Variants in PNMA6E observed in about 807,000 individuals in gnomAD.
PNMA6E encodes the protein PNMA family member 6E.
For missense variants in PNMA6E, 78 were observed against 50.8 expected, an observed-to-expected ratio of 1.53 and a Z score of -1.63; for synonymous variants, 43 against 17.1, an observed-to-expected ratio of 2.52 and a Z score of -3.74.
Position 153,396,681 on chromosome X carries a change from G to A in PNMA6E, c.*225C>T. The stretch of plus-strand genomic sequence containing the variant: ...AGGGTTTGGGGCTGGGGCTGGGTGT[G>A]CTGGGTGCAAGGGAGCGGGGGGGCG... On this transcript the variant is annotated 3_prime_UTR_variant, in exon 2 of 2. Coordinates refer to ENST00000445091, the MANE Select transcript of PNMA6E (RefSeq NM_001367770.1). The A allele has an allele frequency of 4.0e-6, 1 of 252,668 alleles. No individual in the cohort carries two copies. The highest frequency in any genetic ancestry group is 6.6e-5 in the Admixed American group (1 of 15,064). The allele number at this position is 252,668 out of a possible 1,213,427, so 20.8% of individuals were successfully genotyped here.
rs1262318260 is a variant in PNMA6E, at chrX:153,396,001, G to C, written c.*905C>G. On this transcript the variant is annotated 3_prime_UTR_variant, in exon 2 of 2. Coordinates refer to ENST00000445091, the MANE Select transcript of PNMA6E (RefSeq NM_001367770.1). ...CCAGGCTGAAGAAACTGAGTCACAAGTAACAACAGGGGTGAAACGCCAAAG... is the reference window on the plus strand; with the variant it reads ...CCAGGCTGAAGAAACTGAGTCACAACTAACAACAGGGGTGAAACGCCAAAG... 2.6e-5 allele frequency: 3 copies of C among 113,794 alleles called. No individual in the cohort carries two copies. Among genetic ancestry groups the C allele is most frequent in the African/African-American group, 9.7e-5 (3 of 30,977 alleles). 9.4% of individuals were successfully genotyped at this position (113,794 alleles called of 1,213,427 possible). A position where few individuals can be genotyped will look rare whatever the true frequency, so the allele number is the denominator to read the frequency against.
At chrX:153,411,725 G>A in the PNMA6E span, among the ~76,000 whole-genome samples, 1 of 113,051 alleles carries the variant, frequency 8.8e-6, no homozygotes, top group Non-Finnish European at 1.9e-5. Context: ...GAGCTGGGCC[G>A]CAGGGGTGCG....
At chrX:153,401,834 A>ATTTTTTTTT (rs781957165), upstream of PNMA6E, among the ~76,000 whole-genome samples, 3 of 69,653 alleles carry the variant, frequency 4.3e-5, no homozygotes, top group Admixed American at 1.9e-4. Context: ...GCCAGGCTGG[A>ATTTTTTTTT]TTTTTTTTTT....
intron 1 of PNMA6E, among the ~76,000 whole-genome samples, chrX:153,400,628 G>A (rs1556971143): frequency 1.0e-5 from 1 of 99,191 alleles, no homozygotes; most frequent in African/African-American, 3.9e-5. Flanking sequence ...CGCTCTGGTC[G>A]GCCCTCCACC....
At chrX:153,412,891 C>T in the PNMA6E span, among the ~76,000 whole-genome samples, 1 of 112,220 alleles carries the variant, frequency 8.9e-6, no homozygotes, top group Non-Finnish European at 1.9e-5. Flanking sequence ...CCCCTTTTGG[C>T]TAGGTTACCC....
chrX:153,402,681 A>G (rs2088859387), upstream of PNMA6E, among the ~76,000 whole-genome samples: 1 of 112,461 alleles, frequency 8.9e-6, no homozygotes, highest in South Asian at 3.7e-4. Flanking sequence ...TTTCCTTAAG[A>G]TCGAAAGTCT....
chrX:153,408,043 G>A, the PNMA6E span, among the ~76,000 whole-genome samples: 1 of 112,842 alleles, frequency 8.9e-6, no homozygotes, highest in Admixed American at 9.3e-5. Context: ...AGCCACTGGA[G>A]GGGGCACCAT....
the PNMA6E span, among the ~76,000 whole-genome samples, chrX:153,410,645 T>A: frequency 8.9e-6 from 1 of 112,826 alleles, no homozygotes; most frequent in Non-Finnish European, 1.9e-5. Flanking sequence ...GGCTCCTTGC[T>A]GCGGGCTAAG....
the PNMA6E span, among the ~76,000 whole-genome samples, chrX:153,411,641 T>C: frequency 8.9e-6 from 1 of 112,787 alleles, no homozygotes; most frequent in Non-Finnish European, 1.9e-5. Flanking sequence ...GCGGCGGCCT[T>C]GGCCTCGGGC....
At chrX:153,407,526 T>G in the PNMA6E span, among the ~76,000 whole-genome samples, 39 of 111,079 alleles carry the variant, frequency 3.5e-4, no homozygotes, top group African/African-American at 1.2e-3. Context: ...CATGCCACTG[T>G]GCCCAGCCAA....
At chrX:153,408,765 A>C in the PNMA6E span, among the ~76,000 whole-genome samples, 2 of 111,846 alleles carry the variant, frequency 1.8e-5, no homozygotes, top group Non-Finnish European at 3.8e-5. Context: ...CCCTCAGTGG[A>C]TATCTGAGGC....
the PNMA6E span, among the ~76,000 whole-genome samples, chrX:153,407,299 G>A: frequency 1.8e-5 from 2 of 111,867 alleles, no homozygotes; most frequent in East Asian, 5.7e-4. Context: ...CCTATCACCT[G>A]AAGGAATGTC....
the PNMA6E span, among the ~76,000 whole-genome samples, chrX:153,411,521 G>A: frequency 1.8e-5 from 2 of 112,342 alleles, no homozygotes; most frequent in African/African-American, 6.4e-5. Context: ...CTCCCCTTCA[G>A]GACGCTCTTC....
chrX:153,405,534 C>T (rs1406165580), upstream of PNMA6E, among the ~76,000 whole-genome samples: 2 of 106,092 alleles, frequency 1.9e-5, no homozygotes, highest in Admixed American at 1.0e-4. Context: ...TTTCCTCCCC[C>T]GCCCTTTCCT....
the PNMA6E span, among the ~76,000 whole-genome samples, chrX:153,413,618 C>A: frequency 9.1e-6 from 1 of 109,833 alleles, no homozygotes; most frequent in East Asian, 2.9e-4. Flanking sequence ...GCTTCAGAGC[C>A]CAGGATTATC....
At chrX:153,402,612 T>G (rs1191796098), upstream of PNMA6E, among the ~76,000 whole-genome samples, 1 of 112,503 alleles carries the variant, frequency 8.9e-6, no homozygotes, top group Non-Finnish European at 1.9e-5. Flanking sequence ...TAAATATTCC[T>G]TGATATTTAC....
At chrX:153,410,550 A>G in the PNMA6E span, among the ~76,000 whole-genome samples, 11 of 112,270 alleles carry the variant, frequency 9.8e-5, no homozygotes, top group Non-Finnish European at 1.5e-4. Flanking sequence ...GCTCCCTGCA[A>G]CCGGAGGTTC....
chrX:153,409,270 T>G, the PNMA6E span, among the ~76,000 whole-genome samples: 1 of 112,887 alleles, frequency 8.9e-6, no homozygotes, highest in African/African-American at 3.2e-5. Flanking sequence ...AAAGGGGACC[T>G]CCCCACTTCC....
chrX:153,411,702 A>G, the PNMA6E span, among the ~76,000 whole-genome samples: 1 of 112,844 alleles, frequency 8.9e-6, no homozygotes, highest in Admixed American at 9.2e-5. Flanking sequence ...CGCCGAGCCC[A>G]GGTAAGAGGG....
Sources: gnomAD v4.1 joint callset for allele counts (sites outside exome capture counted in the v4.1 genomes callset) on GRCh38, gnomAD v4.1.1 for gene constraint, MANE v1.5 for transcripts, NCBI Gene and HGNC (gene_info 2026-07-23, HGNC 2026-07-21) for gene names.